LGSN: variants seen among roughly 807,000 people sequenced by gnomAD.
The protein encoded by LGSN is lengsin, lens protein with glutamine synthetase domain.
Under a neutral mutation model 19.5 loss-of-function variants are expected in LGSN, and 21 were observed. That is an observed-to-expected ratio of 1.07 (90% CI 0.76 to 1.55). The LOEUF is 1.55. LGSN is among the 40% of genes most tolerant of loss of function. LGSN has a pLI of 0.00. For missense variants in LGSN, 673 were observed against 608.5 expected (o/e 1.11, Z -1.12); for synonymous variants, 257 against 215.6 (o/e 1.19, Z -1.68).
the LGSN span, among the ~76,000 whole-genome samples, chr6:63,557,483 C>CATAT: frequency 2.0e-5 from 3 of 150,280 alleles, no homozygotes; most frequent in African/African-American, 7.3e-5. Context: ...AGAACTGCTC[C>CATAT]ATATATATAT....
At chr6:63,549,479 CT>C in the LGSN span, 1 of 788,068 alleles carries the variant, frequency 1.3e-6, no homozygotes, top group Non-Finnish European at 2.2e-6. Context: ...GAGCCACCTT[CT>C]TTCCCTTGGC....
chr6:63,547,320 G>A, the LGSN span, among the ~76,000 whole-genome samples: 1 of 151,226 alleles, frequency 6.6e-6, no homozygotes, highest in African/African-American at 2.4e-5. Flanking sequence ...CTCCCGAGTA[G>A]CTGGGACTAC....
the LGSN span, among the ~76,000 whole-genome samples, chr6:63,331,151 CA>C: frequency 6.6e-6 from 1 of 152,040 alleles, no homozygotes; most frequent in East Asian, 1.9e-4. Flanking sequence ...GGAGGATTAT[CA>C]TTAATAGGAA....
At chr6:63,469,991 C>T in the LGSN span, among the ~76,000 whole-genome samples, 39 of 152,218 alleles carry the variant, frequency 2.6e-4, no homozygotes, top group African/African-American at 9.4e-4. Context: ...GCTGGGATTA[C>T]AGGCGTGAGC....
At chr6:63,377,177 A>C in the LGSN span, among the ~76,000 whole-genome samples, 2 of 152,208 alleles carry the variant, frequency 1.3e-5, no homozygotes, top group Non-Finnish European at 2.9e-5. Context: ...TATAGTAAAC[A>C]TTTGCCACTT....
rs1407567281 is a variant in LGSN at position 63,319,845 on chromosome 6, A to C, written c.30+69T>G. On this transcript the variant is annotated intron_variant, in intron 1 of 3. Coordinates refer to ENST00000370657, the MANE Select transcript of LGSN (RefSeq NM_016571.3). ...CCTTATTCTTACTGGCATTCAAATA[A>C]TTGACATTTTTTAAAAAGATTTACT... The C allele has an allele frequency of 4.6e-6, 5 of 1,098,290 alleles. No individual in the cohort carries two copies. In the African/African-American group the frequency reaches 7.7e-5, roughly 17 times the overall value. 68.0% of individuals were successfully genotyped at this position (1,098,290 alleles called of 1,614,324 possible).
the LGSN span, among the ~76,000 whole-genome samples, chr6:63,461,259 C>G: frequency 3.3e-5 from 5 of 152,154 alleles, no homozygotes; most frequent in African/African-American, 1.2e-4. Context: ...ACCGTGTTGG[C>G]CATGCTGGTC....
At chr6:63,368,567 G>A in the LGSN span, among the ~76,000 whole-genome samples, 19 of 152,152 alleles carry the variant, frequency 1.2e-4, no homozygotes, top group South Asian at 2.5e-3. Context: ...CGGTAACACC[G>A]TTTAAAATTA....
the LGSN span, among the ~76,000 whole-genome samples, chr6:63,404,599 G>C: frequency 6.6e-6 from 1 of 152,008 alleles, no homozygotes; most frequent in East Asian, 1.9e-4. Flanking sequence ...CTTCTCCCTG[G>C]AACTTCATAG....
the LGSN span, among the ~76,000 whole-genome samples, chr6:63,454,827 G>C: frequency 1.5e-5 from 1 of 68,548 alleles, no homozygotes; most frequent in Non-Finnish European, 2.6e-5. Context: ...CGGAGTCTTT[G>C]TCTGTCACCC....
the LGSN span, among the ~76,000 whole-genome samples, chr6:63,335,442 CA>C: frequency 6.6e-6 from 1 of 151,952 alleles, no homozygotes; most frequent in Non-Finnish European, 1.5e-5. Context: ...GCACAAGCAA[CA>C]AAAACAGCTC....
chr6:63,355,424 G>A, the LGSN span, among the ~76,000 whole-genome samples: 43 of 152,154 alleles, frequency 2.8e-4, no homozygotes, highest in Non-Finnish European at 5.7e-4. Flanking sequence ...AACAAAAAGA[G>A]TACATCCTAT....
chr6:63,418,669 A>G, the LGSN span, among the ~76,000 whole-genome samples: 4 of 152,208 alleles, frequency 2.6e-5, no homozygotes, highest in Admixed American at 1.3e-4. Flanking sequence ...TACAGTGATG[A>G]CATCCCTGGA....
the LGSN span, among the ~76,000 whole-genome samples, chr6:63,482,821 C>T: frequency 3.9e-5 from 6 of 152,148 alleles, no homozygotes; most frequent in African/African-American, 7.2e-5. Context: ...CTGCCTTAGC[C>T]TTCCGAATAG....
the LGSN span, among the ~76,000 whole-genome samples, chr6:63,329,249 G>A: frequency 1.4e-4 from 21 of 152,290 alleles, no homozygotes; most frequent in East Asian, 5.8e-4. Flanking sequence ...GGGCAAGACC[G>A]TCCACATAAG....
chr6:63,492,067 C>T, the LGSN span, among the ~76,000 whole-genome samples: 11 of 152,012 alleles, frequency 7.2e-5, no homozygotes, highest in Non-Finnish European at 1.6e-4. Context: ...GTTTTACTGT[C>T]ATTCTGGTTC....
Position 63,280,254 on chromosome 6 carries a change from T to TA in LGSN, c.1296dup (p.Ser433Ter). ...GGACCAGCCAAGACCTCATTACTGC[T>TA]ATGAAGTCCATCTAAGCCGGCAGCA... On this transcript the variant is annotated frameshift_variant, in exon 4 of 4. Transcript: ENST00000370657. LOFTEE classifies it low-confidence loss of function (END_TRUNC). The TA allele has an allele frequency of 6.2e-7, 1 of 1,614,238 alleles. No individual in the cohort carries two copies.
At chr6:63,364,862 G>A in the LGSN span, among the ~76,000 whole-genome samples, 1 of 152,194 alleles carries the variant, frequency 6.6e-6, no homozygotes, top group East Asian at 1.9e-4. Context: ...AATGAAGGCA[G>A]AAATAAAGAT....
the LGSN span, among the ~76,000 whole-genome samples, chr6:63,553,597 T>C: frequency 6.6e-6 from 1 of 152,194 alleles, no homozygotes; most frequent in African/African-American, 2.4e-5. Context: ...CATATTTAGA[T>C]CTTGATGTTC....
Sources: gnomAD v4.1 joint callset for allele counts (sites outside exome capture counted in the v4.1 genomes callset) on GRCh38, gnomAD v4.1.1 for gene constraint, MANE v1.5 for transcripts, NCBI Gene and HGNC (gene_info 2026-07-23, HGNC 2026-07-21) for gene names.